Variants in FREM2 observed in about 807,000 individuals in gnomAD.
The protein encoded by FREM2 is FRAS1 related extracellular matrix 2.
In FREM2, 119 loss-of-function variants were observed where a neutral mutation model predicts 219.9. The ratio of observed to expected loss-of-function variants is 0.54; its 90% CI spans 0.47 to 0.63. The LOEUF (loss-of-function observed/expected upper bound fraction) is 0.63. FREM2 is among the 30% of genes least tolerant of loss of function. The pLI is 0.00. For synonymous variants in FREM2, 1,562 were observed against 1,522.8 expected, an observed-to-expected ratio of 1.03 and a Z score of -0.60; for missense variants, 4,030 against 3,993.6, an observed-to-expected ratio of 1.01 and a Z score of -0.25.
chr13:38,688,517 G>T lies in FREM2; in HGVS notation c.1173G>T (p.Leu391=). The T allele has an allele frequency of 2.5e-6, 4 of 1,614,012 alleles. No individual in the cohort carries two copies. The highest frequency in any genetic ancestry group is 3.4e-6 in the Non-Finnish European group (4 of 1,179,980). The change falls in exon 1 of 24, where the codon CTG becomes CTT. Residue 391 remains leucine, a synonymous_variant. Transcript: ENST00000280481. ...TCACTCAGAGGGATCTGCGGCTCCT[G>T]AAGATTGCCTACCAGCCCCCTTCTG... ...SSFTQRDLRL[L]KIAYQPPSED... is the part of the protein sequence containing the mutation.
rs560096126 is a variant in FREM2 at position 38,872,725 on chromosome 13, T to C, written c.7984-17T>C. 1 of 1,611,110 alleles carries C rather than the reference T, an allele frequency of 6.2e-7. No individual in the cohort carries two copies. ...TAACACTGAGTCATGTTGATTGATG[T>C]AATTTTGTTGTTTTAGGTCCTAAAC... On this transcript the variant is annotated splice_polypyrimidine_tract_variant and intron_variant, in intron 16 of 23. Coordinates refer to ENST00000280481, the MANE Select transcript of FREM2 (RefSeq NM_207361.6).
rs779601908 is a variant in FREM2 at position 38,691,561 on chromosome 13, T to C, written c.4217T>C (p.Ile1406Thr). The C allele has an allele frequency of 1.2e-6, 2 of 1,614,156 alleles. No homozygotes were observed. Among genetic ancestry groups the C allele is most frequent in the Admixed American group, 3.3e-5 (2 of 60,006 alleles). The part of the protein sequence containing the change: ...FDVTDGINPL[I>T]DRYFYVSIGS... ...GTGACTGATGGAATAAATCCCCTCA[T>C]AGATCGTTACTTTTATGTGTCCATC... The change falls in exon 1 of 24, where the codon ATA (isoleucine) becomes ACA (threonine). Residue 1406 changes from isoleucine to threonine, a missense_variant. Around this residue, in one of 2 missense-constraint regions of FREM2, gnomAD observed 3,102 missense variants for 2,950.7 expected, o/e 1.05. Transcript: ENST00000280481.
chr13:38,816,454 C>T (rs1875768295), intron 6 of FREM2, among the ~76,000 whole-genome samples: 1 of 152,076 alleles, frequency 6.6e-6, no homozygotes, highest in Admixed American at 6.6e-5. Flanking sequence ...ATGTGATATG[C>T]ACATTAACGG....
chr13:38,857,793 G>C, intron 12 of FREM2, 82 bp from the exon 13 acceptor site: 2 of 1,232,160 alleles, frequency 1.6e-6, no homozygotes, highest in East Asian at 2.3e-5. Flanking sequence ...GGTTGCCAGG[G>C]ATCGTGAGTA....
At chr13:38,828,897 A>G (rs1876401067) in intron 6 of FREM2, among the ~76,000 whole-genome samples, 1 of 152,110 alleles carries the variant, frequency 6.6e-6, no homozygotes, top group Non-Finnish European at 1.5e-5. Flanking sequence ...TTTTTTTCTA[A>G]TCACATAAGT....
intron 4 of FREM2, among the ~76,000 whole-genome samples, chr13:38,774,573 C>A (rs544444021): frequency 2.0e-5 from 3 of 152,240 alleles, no homozygotes; most frequent in East Asian, 1.9e-4. Flanking sequence ...TCTTAACCTC[C>A]GTGTATTAAG....
At chr13:38,704,163 G>T (rs1196843392) in intron 2 of FREM2, among the ~76,000 whole-genome samples, 1 of 152,110 alleles carries the variant, frequency 6.6e-6, no homozygotes, top group Non-Finnish European at 1.5e-5. Context: ...AATCTTATTG[G>T]CTAAAGCAAG....
intron 6 of FREM2, among the ~76,000 whole-genome samples, chr13:38,806,552 G>T (rs1028857501): frequency 6.6e-6 from 1 of 151,878 alleles, no homozygotes; most frequent in Non-Finnish European, 1.5e-5. Context: ...ATAGTATTGT[G>T]TCTAAAAATG....
At position 38,691,292 on chromosome 13, in the gene FREM2, T is replaced by G; in HGVS notation, c.3948T>G (p.Ile1316Met). The G allele has an allele frequency of 6.2e-7, 1 of 1,613,918 alleles. No individual in the cohort carries two copies. The highest frequency in any genetic ancestry group is 1.7e-5 in the Admixed American group (1 of 60,018). Reference sequence around the variant, plus strand: ...TCAATAATGGACTAGAAATAGAAATTGGGGATACCAAGATTATCAACAACA... The same window carrying G: ...TCAATAATGGACTAGAAATAGAAATGGGGGATACCAAGATTATCAACAACA... ...MTINNGLEIE[I>M]GDTKIINNKI... Residue 1316 changes from isoleucine (I) to methionine (M), a missense_variant, in exon 1 of 24, where the codon ATT (isoleucine) becomes ATG (methionine). Physicochemically the swap from Ile to Met is conservative, Grantham distance 10. Coordinates refer to ENST00000280481, the MANE Select transcript of FREM2 (RefSeq NM_207361.6).
At chr13:38,838,696 TTATTTCA>T (rs2137896796) in intron 6 of FREM2, among the ~76,000 whole-genome samples, 1 of 152,342 alleles carries the variant, frequency 6.6e-6, no homozygotes, top group African/African-American at 2.4e-5. Flanking sequence ...TCTTCACGCT[TTATTTCA>T]TTAAGTTGAT....
intron 2 of FREM2, among the ~76,000 whole-genome samples, chr13:38,704,326 A>G (rs1870454937): frequency 6.6e-6 from 1 of 152,216 alleles, no homozygotes. Context: ...ATAAAGAAGT[A>G]GACGAATGAG....
chr13:38,857,626 C>CT (rs1877608947), intron 12 of FREM2, among the ~76,000 whole-genome samples: 1 of 152,210 alleles, frequency 6.6e-6, no homozygotes, highest in Admixed American at 6.5e-5. Context: ...TCATGGGCCG[C>CT]TGGCCAACCT....
intron 6 of FREM2, among the ~76,000 whole-genome samples, chr13:38,843,570 T>C (rs1410627293): frequency 6.6e-6 from 1 of 152,154 alleles, no homozygotes; most frequent in Admixed American, 6.5e-5. Flanking sequence ...GTCACATCTA[T>C]TTATTATTTT....
intron 6 of FREM2, among the ~76,000 whole-genome samples, chr13:38,809,353 G>A (rs1486207281): frequency 1.3e-5 from 2 of 150,120 alleles, no homozygotes; most frequent in East Asian, 3.9e-4. Context: ...ATATATTTTT[G>A]TTTTGGCTGC....
intron 11 of FREM2, 56 bp from the exon 12 acceptor site, chr13:38,856,070 G>C: frequency 1.5e-6 from 1 of 682,532 alleles, no homozygotes; most frequent in Non-Finnish European, 2.3e-6. Context: ...AAAAAAAATA[G>C]AAAACTTCTC....
At chr13:38,703,990 C>A (rs1870440852) in intron 2 of FREM2, among the ~76,000 whole-genome samples, 1 of 152,126 alleles carries the variant, frequency 6.6e-6, no homozygotes, top group Non-Finnish European at 1.5e-5. Context: ...GTATCTCAAT[C>A]TGTCTCTTTA....
chr13:38,807,250 T>G, intron 6 of FREM2, among the ~76,000 whole-genome samples: 1 of 138,674 alleles, frequency 7.2e-6, no homozygotes, highest in Admixed American at 7.4e-5. Flanking sequence ...TTTTGTTTTG[T>G]TTTTTGCAGA....
chr13:38,734,255 C>G lies in FREM2; in HGVS notation c.5264-30049C>G, dbSNP rs1282910732. 2.6e-5 allele frequency among the ~76,000 whole-genome samples: 4 copies of G among 152,048 alleles called. No individual in the cohort carries two copies. In the South Asian group the frequency reaches 6.2e-4, roughly 24 times the overall value. On this transcript the variant is annotated intron_variant, in intron 2 of 23. Transcript: ENST00000280481. ...ATGTGTTACCCTATCTCATTCCTCC[C>G]CCGCAAAAATCACATGTTTACTAAG... is the stretch of plus-strand genomic sequence containing the variant.
chr13:38,850,542 T>C (rs1433731971), intron 9 of FREM2, among the ~76,000 whole-genome samples: 1 of 152,232 alleles, frequency 6.6e-6, no homozygotes, highest in African/African-American at 2.4e-5. Context: ...ATGATTTGTT[T>C]AGTAAGTCAA....
Sources: gnomAD v4.1 joint callset for allele counts (sites outside exome capture counted in the v4.1 genomes callset) on GRCh38, gnomAD v4.1.1 for gene constraint, gnomAD v4.1.1 regional missense constraint, MANE v1.5 for transcripts, NCBI Gene and HGNC (gene_info 2026-07-23, HGNC 2026-07-21) for gene names.